The following PCDHA8 variants were observed in gnomAD, a reference collection of about 807,000 sequenced individuals.
PCDHA8 encodes protocadherin alpha-8.
A neutral mutation model predicts 61.8 loss-of-function variants in PCDHA8; 53 were observed. That is an observed-to-expected ratio of 0.86 (90% CI 0.69 to 1.08). PCDHA8 has a LOEUF of 1.08. PCDHA8 is among the 50% of genes least tolerant of loss of function. The probability of loss-of-function intolerance (pLI) is 0.00; values close to 1 mark genes in which losing one functional copy is unlikely to be tolerated. For missense variants in PCDHA8, 1,293 were observed against 1,245.0 expected, an observed-to-expected ratio of 1.04 and a Z score of -0.58; for synonymous variants, 618 against 556.6, an observed-to-expected ratio of 1.11 and a Z score of -1.55.
chr5:140,863,773 C>T (rs1170536480), intron 1 of PCDHA8: 19 of 234,462 alleles, frequency 8.1e-5, no homozygotes, highest in African/African-American at 3.6e-4. Context: ...CCGAGGCGGG[C>T]GGATCACTCG....
At chr5:140,995,689 T>A (rs528829345) in intron 3 of PCDHA8, among the ~76,000 whole-genome samples, 33 of 152,250 alleles carry the variant, frequency 2.2e-4, no homozygotes, top group Admixed American at 6.5e-4. Flanking sequence ...TTTTAATTGT[T>A]AAATAAAGGG....
Position 140,968,348 on chromosome 5 carries a change from A to G in PCDHA8, c.2395-10601A>G, listed in dbSNP as rs782567344. The stretch of plus-strand genomic sequence containing the variant: ...CTCCTATGTCTCCATTAACAGTGCC[A>G]GTGGCAGCCTTTATGCTGTCAACTC... On this transcript the variant is annotated intron_variant, in intron 1 of 3. Coordinates refer to ENST00000531613, the MANE Select transcript of PCDHA8 (RefSeq NM_018911.3). 1 of 1,614,124 alleles carries G rather than the reference A, an allele frequency of 6.2e-7. No individual in the cohort carries two copies. The highest frequency in any genetic ancestry group is 2.2e-5 in the East Asian group (1 of 44,886).
chr5:140,844,367 A>C (rs1220676752), intron 1 of PCDHA8, among the ~76,000 whole-genome samples: 1 of 149,478 alleles, frequency 6.7e-6, no homozygotes, highest in Non-Finnish European at 1.5e-5. Context: ...GAGATTTGTA[A>C]TCCTTCTTTT....
At position 140,841,678 on chromosome 5, in the gene PCDHA8, G is replaced by A; in HGVS notation, c.357G>A (p.Val119=). The change falls in exon 1 of 4, where the codon GTG becomes GTA. Residue 119 remains valine, a synonymous_variant. Transcript: ENST00000531613. Reference sequence around the variant, plus strand: ...ACAGGCCGCTGCAGGTTTTCCATGTGGACGTGGAGGTGAAGGATGTTAATG... The same window carrying A: ...ACAGGCCGCTGCAGGTTTTCCATGTAGACGTGGAGGTGAAGGATGTTAATG... ...IVDRPLQVFH[V]DVEVKDVNDN... The A allele has an allele frequency of 1.9e-6, 3 of 1,613,980 alleles. No individual in the cohort carries two copies. Among genetic ancestry groups the A allele is most frequent in the Non-Finnish European group, 1.7e-6 (2 of 1,179,896 alleles).
At chr5:140,869,964 T>C (rs546576795) in intron 1 of PCDHA8, 1 of 1,613,046 alleles carries the variant, frequency 6.2e-7, no homozygotes, top group Non-Finnish European at 8.5e-7. Context: ...TTAAGCCCAA[T>C]GGAAGACACT....
At chr5:140,860,155 ATATATATATG>A (rs1439486095) in intron 1 of PCDHA8, 1 of 149,648 alleles carries the variant, frequency 6.7e-6, no homozygotes, top group Non-Finnish European at 1.5e-5. Flanking sequence ...ATATATGTGT[ATATATATATG>A]TATATATATA....
intron 1 of PCDHA8, chr5:140,884,510 T>G: frequency 6.2e-7 from 1 of 1,613,982 alleles, no homozygotes; most frequent in Non-Finnish European, 8.5e-7. Flanking sequence ...GGCAGGGAGT[T>G]GGTCGTACTC....
intron 1 of PCDHA8, chr5:140,877,106 TG>T: frequency 6.2e-7 from 1 of 1,613,554 alleles, no homozygotes. Flanking sequence ...GTGCCGCCTC[TG>T]GGCAGCAACG....
chr5:140,849,243 A>G, intron 1 of PCDHA8: 1 of 1,073,288 alleles, frequency 9.3e-7, no homozygotes, highest in Non-Finnish European at 1.3e-6. Context: ...GTATACGGTG[A>G]AATTACCAGA....
chr5:140,947,754 G>A (rs1295200380), intron 1 of PCDHA8, among the ~76,000 whole-genome samples: 2 of 151,334 alleles, frequency 1.3e-5, no homozygotes, highest in African/African-American at 2.4e-5. Flanking sequence ...TGTATTTTAT[G>A]GTTTAAAAAA....
At position 140,849,698 on chromosome 5, in the gene PCDHA8, C is replaced by A. The variant is rs2150445577; in HGVS notation, c.2394+5983C>A. 5 of 1,598,548 alleles carry A rather than the reference C, an allele frequency of 3.1e-6. No individual in the cohort carries two copies. The East Asian group carries it at 1.1e-4, about 36-fold the overall frequency. ...TCCCCTTCAAGCTGGTGTCCACCTA[C>A]AAGAATTACTACTCGTTGGTGCTGG... On this transcript the variant is annotated intron_variant, in intron 1 of 3. Coordinates refer to ENST00000531613, the MANE Select transcript of PCDHA8 (RefSeq NM_018911.3).
intron 1 of PCDHA8, among the ~76,000 whole-genome samples, chr5:140,898,316 G>T (rs1487888782): frequency 6.6e-6 from 1 of 152,168 alleles, no homozygotes; most frequent in Non-Finnish European, 1.5e-5. Flanking sequence ...GGTTTTTATG[G>T]TTTTGGGTCT....
intron 1 of PCDHA8, among the ~76,000 whole-genome samples, chr5:140,898,648 G>A (rs1436511217): frequency 6.6e-6 from 1 of 152,136 alleles, no homozygotes; most frequent in Non-Finnish European, 1.5e-5. Flanking sequence ...TGTTCTTTTG[G>A]CTTAGGATTG....
At chr5:140,919,525 T>G (rs2079174631) in intron 1 of PCDHA8, among the ~76,000 whole-genome samples, 1 of 152,196 alleles carries the variant, frequency 6.6e-6, no homozygotes, top group Non-Finnish European at 1.5e-5. Context: ...TAATTCTCTT[T>G]TTTTCCTATA....
intron 1 of PCDHA8, among the ~76,000 whole-genome samples, chr5:140,922,964 GTGGCA>G (rs1293947003): frequency 6.6e-6 from 1 of 152,186 alleles, no homozygotes; most frequent in East Asian, 1.9e-4. Context: ...TCTTCAGCCA[GTGGCA>G]TATCTCAGAC....
chr5:140,851,595 G>C (rs1470017891), intron 1 of PCDHA8: 1 of 919,210 alleles, frequency 1.1e-6, no homozygotes, highest in South Asian at 5.0e-5. Context: ...TTGAAATTCA[G>C]TTTACAGAAA....
intron 1 of PCDHA8, among the ~76,000 whole-genome samples, chr5:140,889,446 TTAATC>T (rs1274795213): frequency 7.2e-5 from 11 of 152,204 alleles, no homozygotes; most frequent in African/African-American, 2.4e-4. Flanking sequence ...ATTTTCCTGT[TTAATC>T]TAAATTTTCA....
At chr5:140,856,713 C>T in intron 1 of PCDHA8, 1 of 1,596,470 alleles carries the variant, frequency 6.3e-7, no homozygotes, top group Non-Finnish European at 8.6e-7. Context: ...CCTGAATTTA[C>T]CGGATCTGTT....
At chr5:140,904,447 C>T (rs2071139964) in intron 1 of PCDHA8, among the ~76,000 whole-genome samples, 1 of 151,118 alleles carries the variant, frequency 6.6e-6, no homozygotes, top group Non-Finnish European at 1.5e-5. Flanking sequence ...ATTACAATTT[C>T]TTTATACACT....
Sources: allele counts gnomAD v4.1 joint callset (sites outside exome capture counted in the v4.1 genomes callset), GRCh38; gene constraint gnomAD v4.1.1; transcripts MANE v1.5; gene names NCBI Gene and HGNC (gene_info 2026-07-23, HGNC 2026-07-21).